The following FOXK2 variants were observed in gnomAD, a reference collection of about 807,000 sequenced individuals.
FOXK2 encodes the protein forkhead box K2.
In FOXK2, 24 loss-of-function variants were observed where a neutral mutation model predicts 53.3. The ratio of observed to expected loss-of-function variants is 0.45; its 90% CI spans 0.33 to 0.63. The LOEUF is 0.63. Among genes scored for constraint, FOXK2 ranks in the 30% least tolerant of loss-of-function variants. The probability of loss-of-function intolerance (pLI) is 0.03; values close to 1 mark genes in which losing one functional copy is unlikely to be tolerated. For missense variants in FOXK2, 952 were observed against 910.5 expected, an observed-to-expected ratio of 1.05 and a Z score of -0.59; for synonymous variants, 505 against 407.1, an observed-to-expected ratio of 1.24 and a Z score of -2.89.
At position 82,585,888 on chromosome 17, in the gene FOXK2, C is replaced by G; in HGVS notation, c.1280-16C>G. ...TCAGTATCTGTAAGTGTCAGTCCTG[C>G]TGTGTCTTTCACCAGGGTCACCTCT... is the stretch of plus-strand genomic sequence containing the variant. On this transcript the variant is annotated splice_polypyrimidine_tract_variant and intron_variant, in intron 6 of 8. Coordinates refer to ENST00000335255, the MANE Select transcript of FOXK2 (RefSeq NM_004514.4). 1 of 1,601,162 alleles carries G rather than the reference C, an allele frequency of 6.2e-7. No individual in the cohort carries two copies. The highest frequency in any genetic ancestry group is 8.5e-7 in the Non-Finnish European group (1 of 1,171,830).
Position 82,563,478 on chromosome 17 carries a change from C to T in FOXK2, c.544C>T (p.Leu182=), listed in dbSNP as rs1567975303. 2 of 1,614,054 alleles carry T rather than the reference C, an allele frequency of 1.2e-6. No homozygotes were observed. The highest frequency in any genetic ancestry group is 2.7e-5 in the African/African-American group (2 of 74,910). ...VKAVQPHISP[L]TINIPDTMAH... The stretch of plus-strand genomic sequence containing the variant: ...GGCCGTACAGCCACACATCTCGCCC[C>T]TGACCATCAACATTCCAGACACCAT... Residue 182 remains leucine (L), a synonymous_variant, in exon 2 of 9, where the codon CTG becomes TTG. Transcript: ENST00000335255.
chr17:82,560,260 G>A (rs1028887910), intron 1 of FOXK2, among the ~76,000 whole-genome samples: 2 of 151,894 alleles, frequency 1.3e-5, no homozygotes, highest in East Asian at 1.9e-4. Context: ...TGCCTGCCTC[G>A]GCCTCCCAAA....
intron 2 of FOXK2, among the ~76,000 whole-genome samples, chr17:82,566,710 TC>T (rs1198088834): frequency 6.6e-6 from 1 of 152,164 alleles, no homozygotes; most frequent in Non-Finnish European, 1.5e-5. Flanking sequence ...GGCTCCCAAC[TC>T]CGCCTCTCCT....
At chr17:82,578,747 C>T (rs1265771476) in intron 4 of FOXK2, 2 of 152,146 alleles carry the variant, frequency 1.3e-5, no homozygotes, top group Non-Finnish European at 2.9e-5. Flanking sequence ...GAACTGGGTT[C>T]TTTTACGTTT....
chr17:82,603,875 T>A lies in FOXK2; in HGVS notation c.*2376T>A, dbSNP rs766966728. ...ATTGGTACCTAGGAATTTAAGAATA[T>A]CGAAGCGAGAGCAGTAACAAACCAT... is the stretch of plus-strand genomic sequence containing the variant. On this transcript the variant is annotated 3_prime_UTR_variant, in exon 9 of 9. Transcript: ENST00000335255. The A allele has an allele frequency of 3.3e-5, 5 of 152,148 alleles. No individual in the cohort carries two copies. Among genetic ancestry groups the A allele is most frequent in the Non-Finnish European group, 7.3e-5 (5 of 68,034 alleles). The allele number at this position is 152,148 out of a possible 1,614,324, so 9.4% of individuals were successfully genotyped here. A position where few individuals can be genotyped will look rare whatever the true frequency, so the allele number is the denominator to read the frequency against.
rs769589686 is a variant in FOXK2 at position 82,602,670 on chromosome 17, C to T, written c.*1171C>T. The T allele has an allele frequency of 8.5e-5, 13 of 152,362 alleles. No individual in the cohort carries two copies. The highest frequency in any genetic ancestry group is 3.1e-4 in the African/African-American group (13 of 41,568). 9.4% of individuals were successfully genotyped at this position (152,362 alleles called of 1,614,324 possible). A position where few individuals can be genotyped will look rare whatever the true frequency, so the allele number is the denominator to read the frequency against. The stretch of plus-strand genomic sequence containing the variant: ...GGAAATGTCCCTGACCTTTCAGAAC[C>T]GAACCCAATCCTGAGGCTGACTCCT... On this transcript the variant is annotated 3_prime_UTR_variant, in exon 9 of 9. Transcript: ENST00000335255.
intron 4 of FOXK2, chr17:82,576,466 T>C (rs1212068777): frequency 2.0e-6 from 1 of 493,596 alleles, no homozygotes; most frequent in Non-Finnish European, 3.6e-6. Context: ...TAAGTCATTT[T>C]GGTTTTGACC....
At chr17:82,569,346 G>T (rs1439949454) in intron 3 of FOXK2, among the ~76,000 whole-genome samples, 4 of 152,358 alleles carry the variant, frequency 2.6e-5, no homozygotes, top group Middle Eastern at 3.4e-3. Context: ...TTTCTGTCAG[G>T]CTTACAATTG....
intron 1 of FOXK2, among the ~76,000 whole-genome samples, chr17:82,529,957 G>A (rs2044457267): frequency 6.6e-6 from 1 of 152,184 alleles, no homozygotes; most frequent in African/African-American, 2.4e-5. Context: ...CATTGATACA[G>A]ATATTCTGAG....
Position 82,603,430 on chromosome 17 carries a change from T to C in FOXK2, c.*1931T>C, listed in dbSNP as rs774507222. The C allele has an allele frequency of 3.9e-5, 6 of 152,246 alleles. No individual in the cohort carries two copies. The highest frequency in any genetic ancestry group is 3.9e-4 in the Admixed American group (6 of 15,282). 9.4% of individuals were successfully genotyped at this position (152,246 alleles called of 1,614,324 possible). ...GTCACAGCTGATGGGGTTCTCTGAT[T>C]GATAGGAGACGAGCTCTTGAGCTCT... On this transcript the variant is annotated 3_prime_UTR_variant, in exon 9 of 9. Transcript: ENST00000335255.
intron 8 of FOXK2, among the ~76,000 whole-genome samples, chr17:82,598,071 G>A (rs976548635): frequency 2.1e-5 from 3 of 146,092 alleles, no homozygotes; most frequent in African/African-American, 4.9e-5. Flanking sequence ...CGGCACATCC[G>A]TCATCTCATT....
chr17:82,597,571 A>G (rs567939816), intron 8 of FOXK2, among the ~76,000 whole-genome samples: 2 of 152,326 alleles, frequency 1.3e-5, no homozygotes, highest in East Asian at 1.9e-4. Flanking sequence ...TGGGGTCTCC[A>G]CGTGGCGGAG....
intron 1 of FOXK2, among the ~76,000 whole-genome samples, chr17:82,555,182 G>T (rs1177106629): frequency 1.3e-5 from 2 of 152,166 alleles, no homozygotes; most frequent in African/African-American, 4.8e-5. Context: ...TTCTGTGGAG[G>T]AAAGTTGCAG....
intron 4 of FOXK2, among the ~76,000 whole-genome samples, chr17:82,573,557 CT>C (rs2044945676): frequency 1.3e-5 from 1 of 78,228 alleles, no homozygotes; most frequent in African/African-American, 5.0e-5. Flanking sequence ...CTCTCTCTCT[CT>C]CTCTCACACA....
At chr17:82,564,163 C>T (rs2044829209) in intron 2 of FOXK2, among the ~76,000 whole-genome samples, 1 of 147,158 alleles carries the variant, frequency 6.8e-6, no homozygotes, top group African/African-American at 2.5e-5. Context: ...TCTCGGCTCA[C>T]TGCAACCTCT....
intron 3 of FOXK2, among the ~76,000 whole-genome samples, chr17:82,569,943 T>C (rs547878616): frequency 1.1e-3 from 163 of 151,610 alleles, no homozygotes; most frequent in East Asian, 1.8e-3. Context: ...AGCGATAGGC[T>C]GGGCGCAGTG....
chr17:82,559,329 G>C (rs1013922796), intron 1 of FOXK2: 1 of 454,932 alleles, frequency 2.2e-6, no homozygotes, highest in Non-Finnish European at 4.4e-6. Context: ...GCTGGCGACC[G>C]TGCGGACTCC....
Position 82,585,894 on chromosome 17 carries a change from C to T in FOXK2, c.1280-10C>T, listed in dbSNP as rs755549105. The T allele has an allele frequency of 6.2e-7, 1 of 1,603,062 alleles. No individual in the cohort carries two copies. The highest frequency in any genetic ancestry group is 8.5e-7 in the Non-Finnish European group (1 of 1,173,108). On this transcript the variant is annotated splice_polypyrimidine_tract_variant and intron_variant, in intron 6 of 8. Coordinates refer to ENST00000335255, the MANE Select transcript of FOXK2 (RefSeq NM_004514.4). Reference sequence around the variant, plus strand: ...TCTGTAAGTGTCAGTCCTGCTGTGTCTTTCACCAGGGTCACCTCTGTCCAG... The same window carrying T: ...TCTGTAAGTGTCAGTCCTGCTGTGTTTTTCACCAGGGTCACCTCTGTCCAG...
intron 1 of FOXK2, among the ~76,000 whole-genome samples, chr17:82,524,360 A>G (rs1409446806): frequency 6.6e-6 from 1 of 152,240 alleles, no homozygotes; most frequent in Non-Finnish European, 1.5e-5. Context: ...TATATTAAAA[A>G]TTATCAGAAA....
Sources: allele counts gnomAD v4.1 joint callset (sites outside exome capture counted in the v4.1 genomes callset), GRCh38; gene constraint gnomAD v4.1.1; transcripts MANE v1.5; gene names NCBI Gene and HGNC (gene_info 2026-07-23, HGNC 2026-07-21).